The following PRKAR2A variants were observed in gnomAD, a reference collection of about 807,000 sequenced individuals.
PRKAR2A encodes protein kinase cAMP-dependent type II regulatory subunit alpha.
Under a neutral mutation model 51.9 loss-of-function variants are expected in PRKAR2A, and 29 were observed. That is an observed-to-expected ratio of 0.56 (90% CI 0.42 to 0.76). The LOEUF (loss-of-function observed/expected upper bound fraction) is 0.76. Among genes scored for constraint, PRKAR2A ranks in the 30% least tolerant of loss-of-function variants. The pLI, the probability that PRKAR2A is intolerant of heterozygous loss-of-function variation, is 0.00. For synonymous variants in PRKAR2A, 178 were observed against 186.2 expected (o/e 0.96, Z 0.36); for missense variants, 445 against 512.1 (o/e 0.87, Z 1.26).
Position 48,781,201 on chromosome 3 carries a change from G to C in PRKAR2A, c.542+1785C>G, listed in dbSNP as rs181429511. 1.2e-4 allele frequency among the ~76,000 whole-genome samples: 18 copies of C among 150,732 alleles called. No individual in the cohort carries two copies. In the East Asian group the frequency reaches 2.5e-3, roughly 21 times the overall value. ...GGGTTTCACCATGTTGGCCAGGCTG[G>C]TTTTGAACTCCTGACCTCAAGTGAT... On this transcript the variant is annotated intron_variant, in intron 5 of 10. Coordinates refer to ENST00000265563, the MANE Select transcript of PRKAR2A (RefSeq NM_004157.4).
chr3:48,788,381 C>T (rs2082329598), intron 4 of PRKAR2A, among the ~76,000 whole-genome samples: 1 of 152,086 alleles, frequency 6.6e-6, no homozygotes, highest in African/African-American at 2.4e-5. Flanking sequence ...CCAGACTGGT[C>T]TTGAATTTCT....
intron 2 of PRKAR2A, among the ~76,000 whole-genome samples, chr3:48,801,980 G>A (rs977382279): frequency 6.6e-6 from 1 of 152,124 alleles, no homozygotes; most frequent in Non-Finnish European, 1.5e-5. Context: ...TACGATCTCG[G>A]TTCACTGCAA....
Position 48,783,066 on chromosome 3 carries a change from G to C in PRKAR2A, c.462C>G (p.Ala154=). ...DQEQLSQVLD[A]MFERIVKADE... ...CAGCTTTGACTATCCTTTCAAACAT[G>C]GCATCGAGAACTTGAGAAAGCTGTT... Residue 154 remains alanine, a synonymous_variant, in exon 5 of 11, where the codon GCC becomes GCG. Coordinates refer to ENST00000265563, the MANE Select transcript of PRKAR2A (RefSeq NM_004157.4). The C allele has an allele frequency of 1.2e-6, 2 of 1,613,380 alleles. No individual in the cohort carries two copies. Among genetic ancestry groups the C allele is most frequent in the Non-Finnish European group, 1.7e-6 (2 of 1,179,868 alleles).
chr3:48,828,992 C>T (rs1022383864), intron 1 of PRKAR2A, among the ~76,000 whole-genome samples: 59 of 151,920 alleles, frequency 3.9e-4, no homozygotes, highest in African/African-American at 1.4e-3. Flanking sequence ...TATCACCACA[C>T]CCGGCTAATT....
At chr3:48,794,158 T>TC in intron 2 of PRKAR2A, 109 bp from the exon 3 acceptor site, 1 of 861,070 alleles carries the variant, frequency 1.2e-6, no homozygotes, top group Non-Finnish European at 1.7e-6. Flanking sequence ...TCTTTTCTTT[T>TC]TTTTTTTTTT....
At chr3:48,769,157 C>CTTTTTT (rs200382765) in intron 6 of PRKAR2A, among the ~76,000 whole-genome samples, 90,516 of 135,880 alleles carry the variant, frequency 0.67, 31,120 homozygotes, top group East Asian at 0.94. Context: ...AAATATCTTT[C>CTTTTTT]TTTTTTTTTT....
At chr3:48,827,821 A>G (rs1173764316) in intron 1 of PRKAR2A, among the ~76,000 whole-genome samples, 1 of 152,082 alleles carries the variant, frequency 6.6e-6, no homozygotes, top group Non-Finnish European at 1.5e-5. Context: ...TTTTTCTTCA[A>G]TTATAACCTT....
intron 1 of PRKAR2A, among the ~76,000 whole-genome samples, chr3:48,834,046 A>G (rs1040078477): frequency 3.3e-5 from 5 of 151,858 alleles, no homozygotes; most frequent in Non-Finnish European, 7.4e-5. Flanking sequence ...AAAAAAAAAA[A>G]AAAAGAAAAA....
chr3:48,762,453 A>G (rs1044963861), intron 8 of PRKAR2A, among the ~76,000 whole-genome samples: 7 of 152,158 alleles, frequency 4.6e-5, no homozygotes, highest in Non-Finnish European at 8.8e-5. Context: ...GTGAAATCCC[A>G]TTTCTACTAA....
intron 1 of PRKAR2A, among the ~76,000 whole-genome samples, chr3:48,825,688 T>C (rs2083052427): frequency 6.6e-6 from 1 of 152,108 alleles, no homozygotes; most frequent in Non-Finnish European, 1.5e-5. Flanking sequence ...GAAAGAATGA[T>C]TTCCTATTAC....
intron 8 of PRKAR2A, among the ~76,000 whole-genome samples, chr3:48,759,072 C>G (rs2107213159): frequency 1.3e-5 from 2 of 152,270 alleles, no homozygotes; most frequent in Middle Eastern, 6.8e-3. Flanking sequence ...TAATGTGAAA[C>G]AATGCAAGGG....
At chr3:48,826,429 C>A (rs1239721988) in intron 1 of PRKAR2A, among the ~76,000 whole-genome samples, 1 of 152,154 alleles carries the variant, frequency 6.6e-6, no homozygotes, top group Non-Finnish European at 1.5e-5. Flanking sequence ...GGGTCCTGAA[C>A]ACAAACTTCT....
At chr3:48,778,721 T>C (rs191707886) in intron 5 of PRKAR2A, among the ~76,000 whole-genome samples, 1 of 151,932 alleles carries the variant, frequency 6.6e-6, no homozygotes, top group East Asian at 1.9e-4. Flanking sequence ...GGTTTCACCA[T>C]GTTAGCCAGG....
intron 8 of PRKAR2A, among the ~76,000 whole-genome samples, chr3:48,757,109 C>A (rs1375663931): frequency 6.6e-6 from 1 of 151,992 alleles, no homozygotes; most frequent in African/African-American, 2.4e-5. Context: ...GATGAACAGC[C>A]ATGAAAGAAA....
downstream of PRKAR2A, among the ~76,000 whole-genome samples, chr3:48,745,355 G>A (rs1244683467): frequency 6.6e-6 from 1 of 152,012 alleles, no homozygotes; most frequent in Non-Finnish European, 1.5e-5. Context: ...TCATTGGTGA[G>A]TTTGTCTTCC....
chr3:48,788,076 G>C (rs955321922), intron 4 of PRKAR2A, among the ~76,000 whole-genome samples: 11 of 152,078 alleles, frequency 7.2e-5, no homozygotes, highest in Non-Finnish European at 1.5e-4. Context: ...TCTCGCCAAG[G>C]CTGGAGTTCA....
intron 3 of PRKAR2A, among the ~76,000 whole-genome samples, chr3:48,793,704 C>T (rs2082430955): frequency 6.6e-6 from 1 of 151,982 alleles, no homozygotes; most frequent in Admixed American, 6.6e-5. Flanking sequence ...ATTGTCCAGG[C>T]TGGTCTTGAA....
At chr3:48,842,456 T>C (rs888725646) in intron 1 of PRKAR2A, among the ~76,000 whole-genome samples, 12 of 152,154 alleles carry the variant, frequency 7.9e-5, no homozygotes, top group Non-Finnish European at 1.8e-4. Context: ...CTATGTTGAA[T>C]AGGAGTGGTG....
downstream of PRKAR2A, among the ~76,000 whole-genome samples, chr3:48,746,353 TAAAAAAAAAAAAA>T (rs34195938): frequency 4.4e-5 from 3 of 68,276 alleles, no homozygotes; most frequent in Non-Finnish European, 8.2e-5. Flanking sequence ...ATCCTGTCAC[TAAAAAAAAAAAAA>T]AAAAAAAAAA....
Sources: gnomAD v4.1 joint callset for allele counts (sites outside exome capture counted in the v4.1 genomes callset) on GRCh38, gnomAD v4.1.1 for gene constraint, MANE v1.5 for transcripts, NCBI Gene and HGNC (gene_info 2026-07-23, HGNC 2026-07-21) for gene names.